Variants in GAK observed in about 807,000 individuals in gnomAD.
The protein encoded by GAK is cyclin G associated kinase.
Under a neutral mutation model 143.9 loss-of-function variants are expected in GAK, and 79 were observed. The ratio of observed to expected loss-of-function variants is 0.55; its 90% CI spans 0.46 to 0.66. The LOEUF (loss-of-function observed/expected upper bound fraction) is 0.66, where lower values mean the gene tolerates loss of function less well. GAK is among the 30% of genes least tolerant of loss of function. GAK has a pLI of 0.00. For missense variants in GAK, 1,693 were observed against 1,779.7 expected, an observed-to-expected ratio of 0.95 and a Z score of 0.88; for synonymous variants, 881 against 765.5, an observed-to-expected ratio of 1.15 and a Z score of -2.49.
At chr4:852,414 C>T (rs1189526882) in intron 24 of GAK, 6 of 208,398 alleles carry the variant, frequency 2.9e-5, no homozygotes, top group Admixed American at 1.0e-4. Context: ...CACTGCCTCT[C>T]GCAGCACATC....
chr4:906,254 A>G (rs981943490), intron 4 of GAK, among the ~76,000 whole-genome samples: 1 of 152,244 alleles, frequency 6.6e-6, no homozygotes, highest in South Asian at 2.1e-4. Flanking sequence ...ACATGGATAC[A>G]AAGAGAAATG....
chr4:878,563 G>A (rs1457805521), intron 15 of GAK, among the ~76,000 whole-genome samples: 1 of 152,200 alleles, frequency 6.6e-6, no homozygotes, highest in Non-Finnish European at 1.5e-5. Flanking sequence ...GCCTTCATGG[G>A]TTGGCACATT....
In GAK at chr4:866,664, A is replaced by G. The variant is rs528305156; in HGVS notation, c.2873-130T>C. On this transcript the variant is annotated intron_variant, in intron 21 of 27. Coordinates refer to ENST00000314167, the MANE Select transcript of GAK (RefSeq NM_005255.4). ...GCCCAGACCCCACGGCTGCCCTCGC[A>G]GGGGCACTGAGGCAGTCAGCCCAGG... 180 of 972,164 alleles carry G rather than the reference A, an allele frequency of 1.9e-4. 1 individual carries two copies. In the African/African-American group the frequency reaches 2.6e-3, roughly 14 times the overall value. 60.2% of individuals were successfully genotyped at this position (972,164 alleles called of 1,614,324 possible).
chr4:866,613 G>A (rs1487536141), intron 21 of GAK, 79 bp from the exon 22 acceptor site: 11 of 1,463,182 alleles, frequency 7.5e-6, no homozygotes, highest in Non-Finnish European at 1.0e-5. Flanking sequence ...AGTCAGGCCT[G>A]CCCAAGAGGC....
chr4:911,194 G>A (rs77819722), intron 4 of GAK, among the ~76,000 whole-genome samples: 71 of 152,186 alleles, frequency 4.7e-4, no homozygotes, highest in Middle Eastern at 3.4e-3. Context: ...CCACCTCTGC[G>A]GCCTCTCTTC....
At chr4:911,365 A>C (rs1017615700) in intron 4 of GAK, among the ~76,000 whole-genome samples, 1 of 152,164 alleles carries the variant, frequency 6.6e-6, no homozygotes, top group East Asian at 1.9e-4. Flanking sequence ...CCACTCACGG[A>C]AGGCCACCAC....
At chr4:902,769 A>G (rs987280876) in intron 5 of GAK, among the ~76,000 whole-genome samples, 1 of 152,148 alleles carries the variant, frequency 6.6e-6, no homozygotes, top group Non-Finnish European at 1.5e-5. Context: ...GCCACAAACC[A>G]GAAGACGCCG....
chr4:859,542 T>G (rs749464974), intron 24 of GAK, 64 bp downstream of exon 24: 1 of 1,589,984 alleles, frequency 6.3e-7, no homozygotes. Flanking sequence ...CAGAGTCAGA[T>G]AGACGAGAAT....
chr4:911,173 C>T (rs1322587529), intron 4 of GAK, among the ~76,000 whole-genome samples: 2 of 152,126 alleles, frequency 1.3e-5, no homozygotes, highest in Non-Finnish European at 2.9e-5. Flanking sequence ...CACAGAGGGA[C>T]CTGGAGTTGT....
chr4:894,648 A>AG (rs1319556737), intron 7 of GAK: 2 of 152,392 alleles, frequency 1.3e-5, no homozygotes, highest in African/African-American at 4.8e-5. Context: ...AGAACTGTCC[A>AG]GGTGACAGTG....
At chr4:919,240 A>G (rs1723542455) in intron 1 of GAK, among the ~76,000 whole-genome samples, 1 of 149,742 alleles carries the variant, frequency 6.7e-6, no homozygotes. Context: ...TCAGCGCCCC[A>G]TGACCTTAGA....
chr4:925,265 T>C (rs1421252029), intron 1 of GAK, among the ~76,000 whole-genome samples: 2 of 152,100 alleles, frequency 1.3e-5, no homozygotes, highest in Admixed American at 1.3e-4. Context: ...TAGAGTCTGG[T>C]GCCCCCGAGC....
chr4:854,442 C>G (rs960231448), intron 24 of GAK, among the ~76,000 whole-genome samples: 1 of 152,092 alleles, frequency 6.6e-6, no homozygotes, highest in Admixed American at 6.6e-5. Flanking sequence ...GTTTGGGTGG[C>G]GAGTCTACGA....
At chr4:921,903 A>G (rs908705840) in intron 1 of GAK, among the ~76,000 whole-genome samples, 8 of 152,230 alleles carry the variant, frequency 5.3e-5, no homozygotes, top group African/African-American at 1.7e-4. Flanking sequence ...GAAGATATGC[A>G]GATGGCAAAG....
intron 5 of GAK, among the ~76,000 whole-genome samples, chr4:902,621 A>G (rs1369877256): frequency 6.6e-6 from 1 of 151,720 alleles, no homozygotes; most frequent in Non-Finnish European, 1.5e-5. Flanking sequence ...AAAACCCCAA[A>G]AAACCTCTTC....
At chr4:881,884 G>C (rs571936750) in intron 15 of GAK, 23 bp downstream of exon 15, 5 of 1,557,838 alleles carry the variant, frequency 3.2e-6, no homozygotes, top group Non-Finnish European at 4.4e-6. Context: ...GCTGTCCCCT[G>C]TCCCCGGAGG....
intron 6 of GAK, among the ~76,000 whole-genome samples, chr4:896,825 G>A (rs1227634878): frequency 1.3e-5 from 2 of 152,256 alleles, no homozygotes; most frequent in Admixed American, 1.3e-4. Flanking sequence ...CGGCACCGAC[G>A]TATTGGCCTG....
intron 24 of GAK, among the ~76,000 whole-genome samples, chr4:854,195 T>A (rs1244814870): frequency 1.3e-5 from 2 of 151,376 alleles, no homozygotes; most frequent in Non-Finnish European, 2.9e-5. Context: ...AGGACAATAG[T>A]GGAGGGAAGG....
intron 1 of GAK, among the ~76,000 whole-genome samples, chr4:923,868 C>G (rs954751519): frequency 2.0e-5 from 3 of 151,776 alleles, no homozygotes; most frequent in Non-Finnish European, 2.9e-5. Context: ...CCAGAGTAAG[C>G]AGAAACTCCC....
Sources: gnomAD v4.1 joint callset for allele counts (sites outside exome capture counted in the v4.1 genomes callset) on GRCh38, gnomAD v4.1.1 for gene constraint, MANE v1.5 for transcripts, NCBI Gene and HGNC (gene_info 2026-07-23, HGNC 2026-07-21) for gene names.